HORMAD2: variants seen among roughly 807,000 people sequenced by gnomAD.
The protein encoded by HORMAD2 is HORMA domain-containing protein 2.
A neutral mutation model predicts 38.8 loss-of-function variants in HORMAD2; 45 were observed. The ratio of observed to expected loss-of-function variants is 1.16; its 90% confidence interval spans 0.91 to 1.49. The LOEUF (loss-of-function observed/expected upper bound fraction) is 1.49. HORMAD2 is among the 40% of genes most tolerant of loss of function. The pLI, the probability that HORMAD2 is intolerant of heterozygous loss-of-function variation, is 0.00. For missense variants in HORMAD2, 338 were observed against 367.0 expected, an observed-to-expected ratio of 0.92 and a Z score of 0.65; for synonymous variants, 126 against 122.8, an observed-to-expected ratio of 1.03 and a Z score of -0.17.
intron 5 of HORMAD2, among the ~76,000 whole-genome samples, chr22:30,104,904 T>A (rs1921070063): frequency 6.6e-6 from 1 of 152,210 alleles, no homozygotes; most frequent in African/African-American, 2.4e-5. Flanking sequence ...CCTCAAATTT[T>A]AAAAAAATAC....
intron 10 of HORMAD2, among the ~76,000 whole-genome samples, chr22:30,155,077 A>T (rs75005017): frequency 0.13 from 15,319 of 119,278 alleles, 778 homozygotes; most frequent in Middle Eastern, 0.15. Context: ...TGCTTTTTTT[A>T]AAAAAAAAAA....
At chr22:30,189,542 G>T in the HORMAD2 span, among the ~76,000 whole-genome samples, 1 of 152,086 alleles carries the variant, frequency 6.6e-6, no homozygotes, top group Non-Finnish European at 1.5e-5. Context: ...AGTGACTATT[G>T]TACATAGCCT....
At chr22:30,122,620 T>A (rs1922539249) in intron 10 of HORMAD2, among the ~76,000 whole-genome samples, 1 of 152,150 alleles carries the variant, frequency 6.6e-6, no homozygotes, top group African/African-American at 2.4e-5. Context: ...AAGATAAATT[T>A]TATGGATAAA....
chr22:30,193,587 A>G, the HORMAD2 span, among the ~76,000 whole-genome samples: 1 of 152,160 alleles, frequency 6.6e-6, no homozygotes, highest in Non-Finnish European at 1.5e-5. Context: ...AAGAGGAAGG[A>G]CAGTCAGAGA....
chr22:30,188,981 C>CA, the HORMAD2 span, among the ~76,000 whole-genome samples: 1 of 151,396 alleles, frequency 6.6e-6, no homozygotes, highest in Non-Finnish European at 1.5e-5. Context: ...ACAAAAAGTA[C>CA]AAAAATTAGC....
At chr22:30,158,357 T>A (rs577534285) in intron 10 of HORMAD2, among the ~76,000 whole-genome samples, 2 of 152,242 alleles carry the variant, frequency 1.3e-5, no homozygotes, top group East Asian at 3.9e-4. Flanking sequence ...TATCTAAGGA[T>A]GACAAATATT....
At chr22:30,078,801 A>G (rs981263485), upstream of HORMAD2, among the ~76,000 whole-genome samples, 4 of 152,062 alleles carry the variant, frequency 2.6e-5, no homozygotes, top group East Asian at 1.9e-4. Context: ...AACAGCCAGC[A>G]CAGAGGGCCT....
At chr22:30,195,549 T>G in the HORMAD2 span, among the ~76,000 whole-genome samples, 42 of 152,298 alleles carry the variant, frequency 2.8e-4, no homozygotes, top group African/African-American at 7.0e-4. Flanking sequence ...CTTGTGCCCA[T>G]GCAAAGGATA....
At chr22:30,165,704 G>C (rs1925734627) in intron 10 of HORMAD2, among the ~76,000 whole-genome samples, 1 of 151,982 alleles carries the variant, frequency 6.6e-6, no homozygotes, top group Non-Finnish European at 1.5e-5. Flanking sequence ...ATTTCCCCCA[G>C]TATGATAACT....
intron 5 of HORMAD2, among the ~76,000 whole-genome samples, chr22:30,107,606 T>C (rs1371829391): frequency 1.3e-5 from 2 of 151,780 alleles, no homozygotes; most frequent in African/African-American, 2.4e-5. Context: ...AAAAATTAGC[T>C]GAGTATGGTG....
intron 4 of HORMAD2, among the ~76,000 whole-genome samples, 191 bp from the exon 5 acceptor site, chr22:30,104,210 C>T (rs887077153): frequency 6.6e-6 from 1 of 152,036 alleles, no homozygotes; most frequent in African/African-American, 2.4e-5. Context: ...CAAAATAGCT[C>T]ACTATTACTT....
intron 10 of HORMAD2, among the ~76,000 whole-genome samples, chr22:30,142,328 T>G (rs1445751766): frequency 3.3e-5 from 5 of 152,166 alleles, no homozygotes; most frequent in African/African-American, 1.2e-4. Context: ...GAATATTCCA[T>G]GTGCACTTGA....
the HORMAD2 span, among the ~76,000 whole-genome samples, chr22:30,189,697 T>G: frequency 6.6e-6 from 1 of 152,104 alleles, no homozygotes; most frequent in Non-Finnish European, 1.5e-5. Flanking sequence ...AGCTATAGTG[T>G]CTTATATTTC....
At chr22:30,094,087 T>G (rs904099248) in intron 2 of HORMAD2, 84 bp downstream of exon 2, 12 of 1,004,674 alleles carry the variant, frequency 1.2e-5, no homozygotes, top group Non-Finnish European at 1.8e-5. Flanking sequence ...GTGTGTGTGT[T>G]TTTAAGCAGC....
chr22:30,194,611 G>A, the HORMAD2 span, among the ~76,000 whole-genome samples: 1 of 152,192 alleles, frequency 6.6e-6, no homozygotes, highest in Non-Finnish European at 1.5e-5. Flanking sequence ...TGTTGCAGGG[G>A]TGATCCAATA....
At chr22:30,167,765 G>A (rs767561271) in intron 10 of HORMAD2, among the ~76,000 whole-genome samples, 5 of 152,124 alleles carry the variant, frequency 3.3e-5, no homozygotes, top group East Asian at 1.9e-4. Flanking sequence ...AGGGCCCCAC[G>A]AAGAATTCTT....
At chr22:30,202,890 C>T in the HORMAD2 span, among the ~76,000 whole-genome samples, 322 of 152,286 alleles carry the variant, frequency 2.1e-3, 4 homozygotes, top group South Asian at 0.023. Context: ...AAAGCCGATG[C>T]CAAGGAAGTT....
At chr22:30,082,672 T>C (rs1423971847) in intron 1 of HORMAD2, among the ~76,000 whole-genome samples, 4 of 151,402 alleles carry the variant, frequency 2.6e-5, no homozygotes, top group Admixed American at 2.6e-4. Flanking sequence ...TGCATGCATA[T>C]AGTCTCAGCT....
At chr22:30,093,881 G>T in intron 1 of HORMAD2, 35 bp from the exon 2 acceptor site, 1 of 1,037,814 alleles carries the variant, frequency 9.6e-7, no homozygotes, top group South Asian at 1.6e-5. Context: ...ATTATATTTG[G>T]CAAGGTCTCT....
Sources: allele counts gnomAD v4.1 joint callset (sites outside exome capture counted in the v4.1 genomes callset), GRCh38; gene constraint gnomAD v4.1.1; transcripts MANE v1.5; gene names NCBI Gene and HGNC (gene_info 2026-07-23, HGNC 2026-07-21).